Variants in SPATS2L observed in about 807,000 individuals in gnomAD.
The protein encoded by SPATS2L is spermatogenesis associated serine rich 2 like, also known as SPATS2-like protein.
Under a neutral mutation model 59.6 loss-of-function variants are expected in SPATS2L, and 30 were observed. The ratio of observed to expected loss-of-function variants is 0.50; its 90% CI spans 0.38 to 0.68. The LOEUF (loss-of-function observed/expected upper bound fraction) is 0.68. SPATS2L is among the 30% of genes least tolerant of loss of function. The pLI is 0.00. For missense variants in SPATS2L, 615 were observed against 700.0 expected, an observed-to-expected ratio of 0.88 and a Z score of 1.37; for synonymous variants, 252 against 263.5, an observed-to-expected ratio of 0.96 and a Z score of 0.42.
intron 2 of SPATS2L, among the ~76,000 whole-genome samples, chr2:200,340,124 C>G (rs1181923217): frequency 6.6e-6 from 1 of 152,172 alleles, no homozygotes; most frequent in Non-Finnish European, 1.5e-5. Flanking sequence ...TGGCCATCTC[C>G]CCAGTTTCTC....
intron 2 of SPATS2L, among the ~76,000 whole-genome samples, chr2:200,383,359 C>T (rs1355924380): frequency 6.6e-6 from 1 of 152,210 alleles, no homozygotes; most frequent in Non-Finnish European, 1.5e-5. Context: ...ATCATTTCAA[C>T]ATATAGTCGA....
chr2:200,472,840 C>T lies in SPATS2L; in HGVS notation c.1069C>T (p.Pro357Ser). 1.2e-6 allele frequency: 2 copies of T among 1,613,938 alleles called. No individual in the cohort carries two copies. The highest frequency in any genetic ancestry group is 3.3e-5 in the Admixed American group (2 of 60,022). Residue 357 changes from proline (P) to serine (S), a missense_variant, in exon 12 of 13, where the codon CCA (proline) becomes TCA (serine). By Grantham distance (74) the Pro-to-Ser change is moderately conservative. Transcript: ENST00000409140. ...QIMLCGEITHPKNNYSSRTPC... is the reference protein window; with the variant it reads ...QIMLCGEITHSKNNYSSRTPC... ...GCACTTTATTATTGCAGTTACACATCCAAAGAACAACTATTCCTCAAGAAC... is the reference window on the plus strand; with the variant it reads ...GCACTTTATTATTGCAGTTACACATTCAAAGAACAACTATTCCTCAAGAAC...
chr2:200,467,484 C>A, intron 10 of SPATS2L, 85 bp downstream of exon 10: 1 of 912,150 alleles, frequency 1.1e-6, no homozygotes, highest in South Asian at 1.5e-5. Flanking sequence ...GAGTTCTGCT[C>A]TCTGAGGATC....
At chr2:200,428,248 A>G (rs997764507) in intron 6 of SPATS2L, among the ~76,000 whole-genome samples, 2 of 152,200 alleles carry the variant, frequency 1.3e-5, no homozygotes, top group African/African-American at 4.8e-5. Context: ...AAGCTGTTAT[A>G]GGTAAGTTTA....
intron 6 of SPATS2L, among the ~76,000 whole-genome samples, chr2:200,419,920 T>C (rs1000428765): frequency 1.3e-5 from 2 of 152,090 alleles, no homozygotes; most frequent in Admixed American, 1.3e-4. Context: ...AAAGAAATAT[T>C]CTATATAGAC....
At chr2:200,440,607 T>G (rs753171419) in intron 7 of SPATS2L, 42 bp from the exon 8 acceptor site, 1 of 1,588,940 alleles carries the variant, frequency 6.3e-7, no homozygotes, top group Non-Finnish European at 8.6e-7. Flanking sequence ...AAACAAAGGA[T>G]TAAATGCTCA....
intron 8 of SPATS2L, among the ~76,000 whole-genome samples, chr2:200,445,902 T>G (rs1364712282): frequency 6.6e-6 from 1 of 152,176 alleles, no homozygotes; most frequent in African/African-American, 2.4e-5. Flanking sequence ...CAACTTCACA[T>G]TAAAAGATGA....
intron 2 of SPATS2L, among the ~76,000 whole-genome samples, chr2:200,356,902 ACT>A (rs2080935477): frequency 1.3e-5 from 2 of 152,042 alleles, no homozygotes; most frequent in Non-Finnish European, 2.9e-5. Context: ...CAACAAAGCC[ACT>A]CTCCAGATAA....
chr2:200,410,250 A>G (rs1278930452), intron 3 of SPATS2L, among the ~76,000 whole-genome samples: 4 of 152,156 alleles, frequency 2.6e-5, no homozygotes, highest in Middle Eastern at 6.3e-3. Context: ...GGGTAACATA[A>G]TCTTTAGGTA....
intron 6 of SPATS2L, 72 bp from the exon 7 acceptor site, chr2:200,439,050 C>A: frequency 7.6e-7 from 1 of 1,321,354 alleles, no homozygotes; most frequent in Non-Finnish European, 1.1e-6. Flanking sequence ...AAAATCTTGG[C>A]ATCCTCCATC....
At chr2:200,455,382 A>C (rs1559148133) in intron 8 of SPATS2L, among the ~76,000 whole-genome samples, 1 of 152,222 alleles carries the variant, frequency 6.6e-6, no homozygotes, top group Non-Finnish European at 1.5e-5. Context: ...AGTTGTCTTC[A>C]AGGTAGAGGG....
intron 1 of SPATS2L, among the ~76,000 whole-genome samples, chr2:200,313,276 T>G (rs756101930): frequency 6.6e-6 from 1 of 152,222 alleles, no homozygotes; most frequent in Non-Finnish European, 1.5e-5. Context: ...GGCTTGGTAA[T>G]CTACCAAGAC....
intron 8 of SPATS2L, among the ~76,000 whole-genome samples, chr2:200,441,417 G>A (rs929692111): frequency 6.6e-6 from 1 of 152,214 alleles, no homozygotes; most frequent in Non-Finnish European, 1.5e-5. Flanking sequence ...CAGCGTATCA[G>A]TTAGGTCTCT....
intron 3 of SPATS2L, among the ~76,000 whole-genome samples, chr2:200,396,068 T>TATATATA (rs58104978): frequency 2.7e-3 from 67 of 25,080 alleles, no homozygotes; most frequent in East Asian, 4.7e-3. Context: ...ATATATATAT[T>TATATATA]TTCCCATAGA....
chr2:200,308,432 A>G (rs2079096012), intron 1 of SPATS2L, among the ~76,000 whole-genome samples: 1 of 152,208 alleles, frequency 6.6e-6, no homozygotes, highest in Admixed American at 6.5e-5. Flanking sequence ...TTGAATTTTA[A>G]CTGGGGAAAA....
intron 8 of SPATS2L, among the ~76,000 whole-genome samples, chr2:200,447,257 A>G (rs2085110853): frequency 6.6e-6 from 1 of 152,166 alleles, no homozygotes; most frequent in African/African-American, 2.4e-5. Context: ...CCAGGGAGCA[A>G]TATTACTTGG....
chr2:200,441,882 T>A (rs2084723745), intron 8 of SPATS2L, among the ~76,000 whole-genome samples: 1 of 152,204 alleles, frequency 6.6e-6, no homozygotes. Context: ...GTCCTTGCTT[T>A]GACATTGATG....
chr2:200,473,892 C>T (rs924884352), intron 12 of SPATS2L, among the ~76,000 whole-genome samples: 3 of 86,660 alleles, frequency 3.5e-5, no homozygotes, highest in African/African-American at 9.2e-5. Context: ...CCCAGTTACT[C>T]GGGAGGCTGA....
chr2:200,457,955 CTG>C (rs1416507968), intron 8 of SPATS2L, among the ~76,000 whole-genome samples: 2 of 152,144 alleles, frequency 1.3e-5, no homozygotes, highest in African/African-American at 4.8e-5. Context: ...ATGGAACAAT[CTG>C]AGAGTAATAA....
Sources: gnomAD v4.1 joint callset for allele counts (sites outside exome capture counted in the v4.1 genomes callset) on GRCh38, gnomAD v4.1.1 for gene constraint, MANE v1.5 for transcripts, NCBI Gene and HGNC (gene_info 2026-07-23, HGNC 2026-07-21) for gene names.